The following RPH3A variants were observed in gnomAD, a reference collection of about 807,000 sequenced individuals.
RPH3A encodes rabphilin-3A.
Under a neutral mutation model 102.2 loss-of-function variants are expected in RPH3A, and 48 were observed. That is an observed-to-expected ratio of 0.47 (90% confidence interval 0.37 to 0.60). RPH3A has a LOEUF of 0.60. Among genes scored for constraint, RPH3A ranks in the 20% least tolerant of loss-of-function variants. The pLI, the probability that RPH3A is intolerant of heterozygous loss-of-function variation, is 0.00. For synonymous variants in RPH3A, 310 were observed against 324.3 expected, an observed-to-expected ratio of 0.96 and a Z score of 0.47; for missense variants, 781 against 910.1, an observed-to-expected ratio of 0.86 and a Z score of 1.83.
chr12:112,593,517 A>G (rs1427203143), intron 1 of RPH3A, among the ~76,000 whole-genome samples: 1 of 152,228 alleles, frequency 6.6e-6, no homozygotes, highest in Non-Finnish European at 1.5e-5. Context: ...CTGCACATCC[A>G]TGTCTAGAAA....
chr12:112,838,513 C>T (rs2042091593), intron 4 of RPH3A, among the ~76,000 whole-genome samples: 1 of 152,294 alleles, frequency 6.6e-6, no homozygotes, highest in East Asian at 1.9e-4. Flanking sequence ...ATCCCATTCA[C>T]TGTGCTATAA....
chr12:112,634,162 T>C (rs1282247632), intron 1 of RPH3A, among the ~76,000 whole-genome samples: 32 of 148,778 alleles, frequency 2.2e-4, no homozygotes, highest in Non-Finnish European at 3.1e-4. Context: ...GCCTGGCCAA[T>C]ATGGTGAAAC....
intron 10 of RPH3A, among the ~76,000 whole-genome samples, chr12:112,872,119 C>T (rs2042719705): frequency 6.6e-6 from 1 of 152,186 alleles, no homozygotes; most frequent in Non-Finnish European, 1.5e-5. Flanking sequence ...AACCACCATT[C>T]CGTTTTCCAT....
chr12:112,728,870 A>G (rs2040613892), intron 1 of RPH3A, among the ~76,000 whole-genome samples: 1 of 152,194 alleles, frequency 6.6e-6, no homozygotes, highest in African/African-American at 2.4e-5. Context: ...GGATACTAGA[A>G]GCAAGGGGAG....
rs75642389 is a variant in RPH3A, at chr12:112,614,176, C to G, written c.-140+38857C>G. ...GAAACTGATTTTGGACTTCTGACTT[C>G]CAGAACTGTAAGAGAATAAATTTGC... On this transcript the variant is annotated intron_variant, in intron 1 of 21. Transcript: ENST00000543106. Among the ~76,000 whole-genome samples, 603 of 152,234 alleles carry G rather than the reference C, an allele frequency of 4.0e-3. 24 individuals carry two copies. The East Asian group carries it at 0.1, about 26-fold the overall frequency.
chr12:112,683,727 A>G (rs989692840), intron 1 of RPH3A, among the ~76,000 whole-genome samples: 2 of 152,088 alleles, frequency 1.3e-5, no homozygotes, highest in Non-Finnish European at 2.9e-5. Context: ...TCTTTTGTTG[A>G]TGACGGCCCT....
intron 1 of RPH3A, among the ~76,000 whole-genome samples, chr12:112,745,567 A>G (rs111738584): frequency 3.1e-4 from 47 of 152,310 alleles, no homozygotes; most frequent in African/African-American, 1.0e-3. Flanking sequence ...ATTAAAATCC[A>G]TGTAAGCTGA....
intron 1 of RPH3A, among the ~76,000 whole-genome samples, chr12:112,590,742 C>T (rs1424724398): frequency 6.6e-6 from 1 of 152,246 alleles, no homozygotes; most frequent in Admixed American, 6.5e-5. Context: ...CAGATTTCCA[C>T]TTCTCTTAAA....
chr12:112,826,128 G>GCGGT (rs2041867504), intron 2 of RPH3A, among the ~76,000 whole-genome samples: 1 of 152,078 alleles, frequency 6.6e-6, no homozygotes, highest in Non-Finnish European at 1.5e-5. Context: ...TTTAAACTGA[G>GCGGT]CGGTCAGGGA....
chr12:112,684,310 G>A (rs2040247682), intron 1 of RPH3A, among the ~76,000 whole-genome samples: 1 of 152,182 alleles, frequency 6.6e-6, no homozygotes, highest in South Asian at 2.1e-4. Context: ...CCACACTGGA[G>A]TGCAGTGGTA....
At chr12:112,582,947 T>A (rs2039410735) in intron 1 of RPH3A, among the ~76,000 whole-genome samples, 1 of 152,176 alleles carries the variant, frequency 6.6e-6, no homozygotes, top group South Asian at 2.1e-4. Context: ...TTTCAATGGT[T>A]CTATTTGTGT....
At chr12:112,797,013 G>T (rs2041245680) in intron 2 of RPH3A, among the ~76,000 whole-genome samples, 2 of 152,148 alleles carry the variant, frequency 1.3e-5, no homozygotes, top group South Asian at 4.2e-4. Context: ...TCACACCACT[G>T]CACTCCAGCC....
intron 1 of RPH3A, among the ~76,000 whole-genome samples, chr12:112,743,872 A>G (rs982498275): frequency 6.6e-6 from 1 of 151,998 alleles, no homozygotes; most frequent in African/African-American, 2.4e-5. Context: ...TGTGGGCAAG[A>G]TTTTCTTCTG....
chr12:112,753,568 GA>G (rs1014073448), intron 1 of RPH3A, among the ~76,000 whole-genome samples: 3 of 152,108 alleles, frequency 2.0e-5, no homozygotes, highest in Non-Finnish European at 2.9e-5. Context: ...TCTCTCTGGT[GA>G]AAAATAAAGT....
intron 1 of RPH3A, among the ~76,000 whole-genome samples, chr12:112,630,735 T>A (rs1241728906): frequency 6.6e-6 from 1 of 152,188 alleles, no homozygotes; most frequent in African/African-American, 2.4e-5. Flanking sequence ...AATCTAGCAC[T>A]CATCTGCTCA....
Position 112,583,826 on chromosome 12 carries a change from A to G in RPH3A, c.-140+8507A>G, listed in dbSNP as rs577138662. Among the ~76,000 whole-genome samples the G allele has an allele frequency of 3.3e-5, 5 of 152,276 alleles. No individual in the cohort carries two copies. In the South Asian group the frequency reaches 1.0e-3, roughly 32 times the overall value. On this transcript the variant is annotated intron_variant, in intron 1 of 21. Coordinates refer to the RPH3A transcript ENST00000543106. ...ATGGTGAAACCCCATCTTTACTAAA[A>G]ATACAAAAATTAGCCAGGTGGTTGT...
chr12:112,735,158 C>T (rs771808908), intron 1 of RPH3A, among the ~76,000 whole-genome samples: 27 of 152,164 alleles, frequency 1.8e-4, no homozygotes, highest in African/African-American at 4.3e-4. Context: ...ATAACAGCCT[C>T]GGGAAAATCG....
Position 112,691,927 on chromosome 12 carries a change from G to C in RPH3A, c.-139-100216G>C, listed in dbSNP as rs559002944. 2.0e-5 allele frequency among the ~76,000 whole-genome samples: 3 copies of C among 152,296 alleles called. No individual in the cohort carries two copies. In the South Asian group the frequency reaches 6.2e-4, roughly 32 times the overall value. ...CAAGGTACACTGTCCAATAGAAATA[G>C]AATGTGACAGATGATTGGATTTTTA... On this transcript the variant is annotated intron_variant, in intron 1 of 21. Transcript: ENST00000543106.
rs534249264 is a variant in RPH3A at position 112,854,640 on chromosome 12, C to T, written c.230+6798C>T. ...CCATAGAGAAACAAATATTTATCTC[C>T]AAGCCCTGTGCTAGGAACTTTTAAA... On this transcript the variant is annotated intron_variant, in intron 5 of 21. Coordinates refer to ENST00000389385, the MANE Select transcript of RPH3A (RefSeq NM_001143854.2). Among the ~76,000 whole-genome samples, 5 of 152,136 alleles carry T rather than the reference C, an allele frequency of 3.3e-5. No homozygotes were observed. The South Asian group carries it at 1.0e-3, about 32-fold the overall frequency.
Sources: gnomAD v4.1 joint callset for allele counts (sites outside exome capture counted in the v4.1 genomes callset) on GRCh38, gnomAD v4.1.1 for gene constraint, MANE v1.5 for transcripts, NCBI Gene and HGNC (gene_info 2026-07-23, HGNC 2026-07-21) for gene names.